Variants in CCNY observed in about 807,000 individuals in gnomAD.
CCNY encodes the protein cyclin-Y.
CCNY carries 19 observed loss-of-function variants against 42.8 expected under a neutral mutation model. The observed-to-expected ratio is 0.44, with a 90% CI of 0.31 to 0.65. The LOEUF (loss-of-function observed/expected upper bound fraction) is 0.65. CCNY is among the 30% of genes least tolerant of loss of function. The pLI is 0.07. For synonymous variants in CCNY, 165 were observed against 162.7 expected (o/e 1.01, Z -0.11); for missense variants, 370 against 437.3 (o/e 0.85, Z 1.37).
intron 3 of CCNY, among the ~76,000 whole-genome samples, chr10:35,257,082 T>G (rs2095716096): frequency 6.6e-6 from 1 of 152,090 alleles, no homozygotes; most frequent in South Asian, 2.1e-4. Context: ...TATTGAAATC[T>G]TTGTTTCTCC....
chr10:35,360,781 A>G (rs1836667799), intron 1 of CCNY, among the ~76,000 whole-genome samples: 1 of 152,148 alleles, frequency 6.6e-6, no homozygotes, highest in African/African-American at 2.4e-5. Flanking sequence ...TAACTTAAAG[A>G]AAATTTGATA....
chr10:35,308,460 G>A (rs980645502), intron 3 of CCNY, among the ~76,000 whole-genome samples: 18 of 152,298 alleles, frequency 1.2e-4, no homozygotes, highest in African/African-American at 3.8e-4. Flanking sequence ...GCTGAGGTGG[G>A]AGGATCACTT....
intron 8 of CCNY, among the ~76,000 whole-genome samples, chr10:35,555,107 C>T (rs762038479): frequency 1.1e-4 from 16 of 152,292 alleles, no homozygotes; most frequent in Non-Finnish European, 2.1e-4. Context: ...CTCTCAGCAA[C>T]CCTGTGACAT....
At chr10:35,373,193 A>T (rs180826366) in intron 1 of CCNY, among the ~76,000 whole-genome samples, 1 of 152,330 alleles carries the variant, frequency 6.6e-6, no homozygotes, top group Non-Finnish European at 1.5e-5. Context: ...GTTTTGGGTG[A>T]TTGCATCCTG....
intron 2 of CCNY, among the ~76,000 whole-genome samples, chr10:35,493,772 CAGG>C (rs1839949980): frequency 6.6e-6 from 1 of 152,194 alleles, no homozygotes; most frequent in South Asian, 2.1e-4. Context: ...GTGAGATTGT[CAGG>C]AGGACTAAAT....
At chr10:35,545,780 ATTATACT>A (rs1024342680) in intron 7 of CCNY, among the ~76,000 whole-genome samples, 3 of 152,208 alleles carry the variant, frequency 2.0e-5, no homozygotes, top group Middle Eastern at 3.2e-3. Flanking sequence ...TAGGGTAAAG[ATTATACT>A]TTATATTAAT....
At chr10:35,497,946 T>G (rs1163448447) in intron 2 of CCNY, among the ~76,000 whole-genome samples, 1 of 152,066 alleles carries the variant, frequency 6.6e-6, no homozygotes, top group African/African-American at 2.4e-5. Context: ...TTTCTCTGCA[T>G]GGCAGAGGGA....
chr10:35,253,251 T>C (rs2095713171), intron 3 of CCNY, among the ~76,000 whole-genome samples: 1 of 151,994 alleles, frequency 6.6e-6, no homozygotes, highest in Non-Finnish European at 1.5e-5. Context: ...CTTTGTCTTC[T>C]CCACGTAATT....
intron 8 of CCNY, among the ~76,000 whole-genome samples, chr10:35,557,866 T>C (rs961414850): frequency 6.6e-6 from 1 of 152,230 alleles, no homozygotes; most frequent in Non-Finnish European, 1.5e-5. Flanking sequence ...GTTTATATTT[T>C]TGTGTATGAT....
intron 1 of CCNY, among the ~76,000 whole-genome samples, chr10:35,421,753 C>T (rs1288262144): frequency 6.6e-6 from 1 of 152,168 alleles, no homozygotes; most frequent in Non-Finnish European, 1.5e-5. Flanking sequence ...TTTTCACTTA[C>T]TTTCCTGTTT....
At chr10:35,533,569 T>TG (rs1840815926) in intron 7 of CCNY, among the ~76,000 whole-genome samples, 1 of 152,138 alleles carries the variant, frequency 6.6e-6, no homozygotes, top group African/African-American at 2.4e-5. Context: ...GTGTTTGAGA[T>TG]GCGTCCTGCC....
chr10:35,531,278 G>C (rs1034235778), intron 7 of CCNY, among the ~76,000 whole-genome samples: 6 of 152,192 alleles, frequency 3.9e-5, no homozygotes, highest in Admixed American at 1.3e-4. Context: ...AGAGACAATT[G>C]TCTAGTAGAA....
chr10:35,376,860 A>G (rs1837064051), intron 1 of CCNY, among the ~76,000 whole-genome samples: 1 of 152,242 alleles, frequency 6.6e-6, no homozygotes, highest in Admixed American at 6.5e-5. Context: ...TCTAATAGAG[A>G]CAGGAAGTAG....
rs187767142 is a variant in CCNY, at chr10:35,394,311, G to A, written c.154+57104G>A. On this transcript the variant is annotated intron_variant, in intron 1 of 9. Coordinates refer to ENST00000374704, the MANE Select transcript of CCNY (RefSeq NM_145012.6). Reference sequence around the variant, plus strand: ...GATAACTTATAAGGATAGGTTAATGGTGAAAATGCTGAAATACAAGAACTG... The same window carrying A: ...GATAACTTATAAGGATAGGTTAATGATGAAAATGCTGAAATACAAGAACTG... Among the ~76,000 whole-genome samples, 3 of 152,294 alleles carry A rather than the reference G, an allele frequency of 2.0e-5. No individual in the cohort carries two copies. The East Asian group carries it at 5.8e-4, about 29-fold the overall frequency.
At chr10:35,564,086 GC>G (rs1268169707) in intron 8 of CCNY, among the ~76,000 whole-genome samples, 1 of 151,864 alleles carries the variant, frequency 6.6e-6, no homozygotes, top group Non-Finnish European at 1.5e-5. Flanking sequence ...CACCCTGTTG[GC>G]CAGGCTGGTC....
At chr10:35,371,182 C>T (rs2504355) in intron 1 of CCNY, among the ~76,000 whole-genome samples, 10,857 of 152,234 alleles carry the variant, frequency 0.071, 638 homozygotes, top group African/African-American at 0.16. Context: ...GTAGTACCAC[C>T]GCCCAGCCCA....
chr10:35,328,818 A>T (rs916790515), intron 3 of CCNY, among the ~76,000 whole-genome samples: 1 of 152,196 alleles, frequency 6.6e-6, no homozygotes, highest in Non-Finnish European at 1.5e-5. Flanking sequence ...GGAAACTGAG[A>T]TTGAGACAAT....
chr10:35,367,718 G>A (rs770509785), intron 1 of CCNY, among the ~76,000 whole-genome samples: 1 of 152,148 alleles, frequency 6.6e-6, no homozygotes, highest in Non-Finnish European at 1.5e-5. Flanking sequence ...GTCAGCGTGC[G>A]CCCATGTCAG....
At chr10:35,322,737 G>A (rs1835834967) in intron 3 of CCNY, among the ~76,000 whole-genome samples, 1 of 152,176 alleles carries the variant, frequency 6.6e-6, no homozygotes, top group African/African-American at 2.4e-5. Flanking sequence ...ACAAAAATAT[G>A]TCAACATCAT....
Sources: gnomAD v4.1 joint callset for allele counts (sites outside exome capture counted in the v4.1 genomes callset) on GRCh38, gnomAD v4.1.1 for gene constraint, MANE v1.5 for transcripts, NCBI Gene and HGNC (gene_info 2026-07-23, HGNC 2026-07-21) for gene names.